Variants in MRTFB observed in about 807,000 individuals in gnomAD.
The protein encoded by MRTFB is myocardin-related transcription factor B.
A neutral mutation model predicts 104.2 loss-of-function variants in MRTFB; 29 were observed. The observed-to-expected ratio is 0.28, with a 90% confidence interval of 0.21 to 0.38. The LOEUF is 0.38. MRTFB is among the 10% of genes least tolerant of loss of function. MRTFB has a pLI of 1.00. For missense variants in MRTFB, 1,270 were observed against 1,341.6 expected (o/e 0.95, Z 0.83); for synonymous variants, 535 against 519.5 (o/e 1.03, Z -0.41).
chr16:14,198,837 A>G (rs575902180), intron 3 of MRTFB, among the ~76,000 whole-genome samples: 25 of 152,316 alleles, frequency 1.6e-4, no homozygotes, highest in African/African-American at 5.1e-4. Flanking sequence ...TTAATAAAGG[A>G]TGTCTTTGTA....
chr16:14,013,858 G>A, the MRTFB span, among the ~76,000 whole-genome samples: 27 of 152,202 alleles, frequency 1.8e-4, no homozygotes, highest in Non-Finnish European at 3.2e-4. Flanking sequence ...TATTGGAAAC[G>A]CAGGTCTCAC....
chr16:14,170,710 T>G (rs1036209598), intron 3 of MRTFB, among the ~76,000 whole-genome samples: 20 of 152,212 alleles, frequency 1.3e-4, no homozygotes, highest in Admixed American at 1.3e-4. Flanking sequence ...GTCATAGGTA[T>G]TATAGGGTCA....
the MRTFB span, among the ~76,000 whole-genome samples, chr16:14,036,296 T>TATATA: frequency 3.9e-4 from 38 of 98,312 alleles, no homozygotes; most frequent in African/African-American, 1.3e-3. Context: ...TTATATATAT[T>TATATA]TATATATATA....
intron 2 of MRTFB, among the ~76,000 whole-genome samples, chr16:14,081,587 C>T (rs1041204541): frequency 2.7e-5 from 4 of 148,454 alleles, no homozygotes; most frequent in African/African-American, 5.0e-5. Context: ...CCACTGCACC[C>T]GGCCATTTGT....
the MRTFB span, among the ~76,000 whole-genome samples, chr16:14,033,850 AAAAAG>A: frequency 1.4e-4 from 22 of 151,926 alleles, no homozygotes; most frequent in Admixed American, 6.6e-4. Context: ...AAAAAAAAAA[AAAAAG>A]AAGAAGAAGA....
Position 14,247,305 on chromosome 16 carries a change from A to G in MRTFB, c.2045A>G (p.Gln682Arg). 6.2e-7 allele frequency: 1 copy of G among 1,614,208 alleles called. No individual in the cohort carries two copies. Residue 682 changes from glutamine to arginine, a missense_variant, in exon 12 of 17, where the codon CAA (glutamine) becomes CGA (arginine). Coordinates refer to ENST00000571589, the MANE Select transcript of MRTFB (RefSeq NM_001308142.2). ...GCCAAAAAGGCTGTAGTTATCAAGC[A>G]AGAGGTCCCTGTGGGCCAGGCAGAG... The part of the protein sequence containing the change: ...LVAKKAVVIK[Q>R]EVPVGQAEQQ...
At chr16:14,247,586 G>A in intron 12 of MRTFB, 79 bp downstream of exon 12, 1 of 1,321,376 alleles carries the variant, frequency 7.6e-7, no homozygotes, top group South Asian at 1.5e-5. Context: ...CACCATACCT[G>A]AGCTCTTCCA....
chr16:14,192,153 CTT>C (rs938420045), intron 3 of MRTFB, among the ~76,000 whole-genome samples: 7 of 151,522 alleles, frequency 4.6e-5, no homozygotes, highest in Admixed American at 4.0e-4. Flanking sequence ...AGGAGGATCA[CTT>C]GAGCCCAGGA....
chr16:14,081,745 A>G (rs116308442), intron 2 of MRTFB, among the ~76,000 whole-genome samples: 2,153 of 150,466 alleles, frequency 0.014, 51 homozygotes, highest in African/African-American at 0.046. Flanking sequence ...ACACTCTGCC[A>G]AATTTTTTGT....
the MRTFB span, among the ~76,000 whole-genome samples, chr16:14,030,975 G>A: frequency 2.0e-5 from 3 of 152,192 alleles, no homozygotes; most frequent in East Asian, 3.8e-4. Flanking sequence ...CATGATGGCC[G>A]AGGCCCACTA....
intron 2 of MRTFB, among the ~76,000 whole-genome samples, chr16:14,089,140 A>G (rs7189789): frequency 0.025 from 3,861 of 152,318 alleles, 177 homozygotes; most frequent in African/African-American, 0.087. Flanking sequence ...ATTTTAAATA[A>G]TAACAGCTTT....
At chr16:14,236,153 CCTACTCCA>C (rs2042494255) in intron 9 of MRTFB, among the ~76,000 whole-genome samples, 1 of 117,384 alleles carries the variant, frequency 8.5e-6, no homozygotes, top group African/African-American at 6.4e-5. Context: ...TGCACTCCAG[CCTACTCCA>C]GCCTGGGTGA....
intron 3 of MRTFB, chr16:14,152,015 G>C (rs1393411006): frequency 6.6e-6 from 1 of 151,948 alleles, no homozygotes; most frequent in Non-Finnish European, 1.5e-5. Flanking sequence ...GTTCTGAAGA[G>C]ATTAAGATAG....
intron 14 of MRTFB, 47 bp downstream of exon 14, chr16:14,252,070 C>A: frequency 1.3e-6 from 2 of 1,590,070 alleles, no homozygotes; most frequent in Admixed American, 1.7e-5. Flanking sequence ...GCAGGGGCAT[C>A]AAATCATTCC....
In MRTFB at chr16:14,186,792, TG is replaced by T. The variant is rs1173203880; in HGVS notation, c.155-23447del. The T allele has an allele frequency of 1.7e-5, 27 of 1,544,094 alleles. No individual in the cohort carries two copies. In the East Asian group the frequency reaches 5.6e-4, roughly 32 times the overall value. ...CTTAAAGACATAATTGGCCAGTGAT[TG>T]GGGTATTGTGGGGAGCAACCAGGGA... On this transcript the variant is annotated intron_variant, in intron 3 of 16. Transcript: ENST00000571589.
chr16:14,252,476 C>T lies in MRTFB; in HGVS notation c.2677C>T (p.Arg893Cys), dbSNP rs370175066. 77 of 1,613,898 alleles carry T rather than the reference C, an allele frequency of 4.8e-5. No homozygotes were observed. The highest frequency in any genetic ancestry group is 4.3e-5 in the Non-Finnish European group (51 of 1,179,990). ...CTATGAGGAGGCCATCAAGCAGACA[C>T]GCAGCACACAGGCCCCTCTGCCAGA... ...PRYEEAIKQT[R>C]STQAPLPEIS... The change falls in exon 15 of 17, where the codon CGC becomes TGC. Residue 893 changes from arginine (R) to cysteine (C), a missense_variant. Arg to Cys is a radical substitution (Grantham distance 180, BLOSUM62 -3). Coordinates refer to ENST00000571589, the MANE Select transcript of MRTFB (RefSeq NM_001308142.2).
chr16:14,119,611 AT>A (rs908178396), intron 2 of MRTFB, among the ~76,000 whole-genome samples: 21 of 152,202 alleles, frequency 1.4e-4, no homozygotes, highest in African/African-American at 4.6e-4. Flanking sequence ...ACTTCAGATA[AT>A]TTTTTTGTAA....
At chr16:14,029,559 T>C in the MRTFB span, among the ~76,000 whole-genome samples, 1 of 150,390 alleles carries the variant, frequency 6.6e-6, no homozygotes, top group Non-Finnish European at 1.5e-5. Context: ...TTTTATATGT[T>C]TGTGTGTGGA....
intron 16 of MRTFB, among the ~76,000 whole-genome samples, chr16:14,259,274 A>G (rs2043656476): frequency 6.6e-6 from 1 of 151,604 alleles, no homozygotes; most frequent in Non-Finnish European, 1.5e-5. Flanking sequence ...CGTCTCTACT[A>G]AAAATACAAA....
Sources: gnomAD v4.1 joint callset for allele counts (sites outside exome capture counted in the v4.1 genomes callset) on GRCh38, gnomAD v4.1.1 for gene constraint, MANE v1.5 for transcripts, NCBI Gene and HGNC (gene_info 2026-07-23, HGNC 2026-07-21) for gene names.